The following FOXN3 variants were observed in gnomAD, a reference collection of about 807,000 sequenced individuals.
The protein encoded by FOXN3 is forkhead box N3, also known as forkhead box protein N3.
In FOXN3, 7 loss-of-function variants were observed where a neutral mutation model predicts 38.4. The observed-to-expected ratio is 0.18, with a 90% CI of 0.10 to 0.34. The LOEUF (loss-of-function observed/expected upper bound fraction) is 0.34. Among genes scored for constraint, FOXN3 ranks in the 10% least tolerant of loss-of-function variants. The pLI is 1.00. For missense variants in FOXN3, 456 were observed against 613.4 expected, an observed-to-expected ratio of 0.74 and a Z score of 2.71; for synonymous variants, 230 against 242.2, an observed-to-expected ratio of 0.95 and a Z score of 0.47.
intron 1 of FOXN3, among the ~76,000 whole-genome samples, chr14:89,566,015 A>C (rs1895341436): frequency 6.6e-6 from 1 of 152,248 alleles, no homozygotes; most frequent in Non-Finnish European, 1.5e-5. Context: ...AAATCCTGGC[A>C]GTTAAGCTGT....
At chr14:89,418,208 G>GTTCT (rs910767240), upstream of FOXN3, among the ~76,000 whole-genome samples, 9 of 152,246 alleles carry the variant, frequency 5.9e-5, no homozygotes, top group African/African-American at 1.9e-4. Flanking sequence ...CCTCTACAGA[G>GTTCT]GAGAAGCCCA....
intron 2 of FOXN3, among the ~76,000 whole-genome samples, chr14:89,358,870 G>C (rs1481773623): frequency 1.3e-5 from 2 of 152,168 alleles, no homozygotes; most frequent in African/African-American, 4.8e-5. Context: ...GTGTGGACTT[G>C]GGCAAAATAC....
intron 2 of FOXN3, among the ~76,000 whole-genome samples, chr14:89,409,754 C>T (rs1891492034): frequency 6.6e-6 from 1 of 152,132 alleles, no homozygotes; most frequent in Non-Finnish European, 1.5e-5. Flanking sequence ...TACCACAGAC[C>T]TGGTTCTTTA....
chr14:89,367,757 G>A (rs1046204160), intron 2 of FOXN3, among the ~76,000 whole-genome samples: 5 of 152,178 alleles, frequency 3.3e-5, no homozygotes, highest in Non-Finnish European at 5.9e-5. Flanking sequence ...CAGCAACCAC[G>A]TGGAAAAGGC....
upstream of FOXN3, among the ~76,000 whole-genome samples, chr14:89,418,279 A>G (rs1267481521): frequency 6.6e-6 from 1 of 151,972 alleles, no homozygotes; most frequent in East Asian, 1.9e-4. Context: ...GCGGTCTGAA[A>G]ACTACAGAAA....
At chr14:89,493,208 T>C (rs1473643069) in intron 1 of FOXN3, among the ~76,000 whole-genome samples, 1 of 152,170 alleles carries the variant, frequency 6.6e-6, no homozygotes, top group Non-Finnish European at 1.5e-5. Flanking sequence ...AATAAAACTA[T>C]GAGGTAAATG....
At chr14:89,204,601 GC>G (rs1888328703) in intron 4 of FOXN3, among the ~76,000 whole-genome samples, 1 of 152,064 alleles carries the variant, frequency 6.6e-6, no homozygotes, top group Admixed American at 6.6e-5. Context: ...AAAACAAAGC[GC>G]CAAAAAAGCA....
chr14:89,291,007 T>G (rs1308377904), intron 3 of FOXN3: 11 of 449,140 alleles, frequency 2.4e-5, no homozygotes, highest in African/African-American at 1.6e-4. Context: ...AGGCCCGTGG[T>G]GTGGTGCTCC....
intron 5 of FOXN3, among the ~76,000 whole-genome samples, chr14:89,173,450 A>G (rs891074411): frequency 6.6e-6 from 1 of 152,206 alleles, no homozygotes. Flanking sequence ...CAACAATTTC[A>G]CTCCTAGACA....
chr14:89,220,016 T>C (rs1832709757), intron 4 of FOXN3, among the ~76,000 whole-genome samples: 1 of 152,236 alleles, frequency 6.6e-6, no homozygotes, highest in African/African-American at 2.4e-5. Flanking sequence ...TATAATTCCA[T>C]ACTGATATCA....
chr14:89,252,061 C>G (rs1015105967), intron 4 of FOXN3, among the ~76,000 whole-genome samples: 1 of 152,222 alleles, frequency 6.6e-6, no homozygotes, highest in Non-Finnish European at 1.5e-5. Context: ...CTAGGTGCCA[C>G]TTTTACACTT....
At chr14:89,614,884 C>G (rs564128376) in intron 1 of FOXN3, among the ~76,000 whole-genome samples, 9 of 152,360 alleles carry the variant, frequency 5.9e-5, no homozygotes, top group East Asian at 3.9e-4. Context: ...ACCTCCCTCA[C>G]CAGGCTGCTC....
At chr14:89,315,503 T>C (rs2401819) in intron 3 of FOXN3, among the ~76,000 whole-genome samples, 115,146 of 151,406 alleles carry the variant, frequency 0.76, 43,923 homozygotes, top group Middle Eastern at 0.83. Flanking sequence ...CGTAGGCATG[T>C]CTTTGATTCT....
chr14:89,299,358 G>A (rs769386789), intron 3 of FOXN3, among the ~76,000 whole-genome samples: 3 of 152,244 alleles, frequency 2.0e-5, no homozygotes, highest in Non-Finnish European at 4.4e-5. Flanking sequence ...AGACGTGATT[G>A]TGAGGCCTCA....
chr14:89,408,271 G>A (rs564582216), intron 2 of FOXN3, among the ~76,000 whole-genome samples: 8 of 151,230 alleles, frequency 5.3e-5, no homozygotes, highest in East Asian at 1.9e-4. Flanking sequence ...CCAAGAAAAC[G>A]GGAATTTTTT....
chr14:89,431,371 C>T (rs565018206), intron 1 of FOXN3, among the ~76,000 whole-genome samples: 1 of 152,212 alleles, frequency 6.6e-6, no homozygotes, highest in African/African-American at 2.4e-5. Flanking sequence ...CCACCACACC[C>T]GGCTAATTTT....
chr14:89,262,079 G>T (rs1215419385), intron 4 of FOXN3, among the ~76,000 whole-genome samples: 2 of 152,132 alleles, frequency 1.3e-5, no homozygotes, highest in East Asian at 3.8e-4. Flanking sequence ...CTCCAGCCTG[G>T]GTGACAGAGA....
At chr14:89,233,432 AGGAG>A (rs369655544) in intron 4 of FOXN3, among the ~76,000 whole-genome samples, 27,667 of 152,258 alleles carry the variant, frequency 0.18, 2,555 homozygotes, top group East Asian at 0.32. Context: ...TGAAGAAGCT[AGGAG>A]CTGGAATTTC....
chr14:89,458,030 C>CAA (rs11445763), intron 1 of FOXN3, among the ~76,000 whole-genome samples: 1,959 of 51,236 alleles, frequency 0.038, 75 homozygotes, highest in African/African-American at 0.067. Flanking sequence ...AACTCCATCT[C>CAA]AAAAAAAAAA....
Sources: gnomAD v4.1 joint callset for allele counts (sites outside exome capture counted in the v4.1 genomes callset) on GRCh38, gnomAD v4.1.1 for gene constraint, MANE v1.5 for transcripts, NCBI Gene and HGNC (gene_info 2026-07-23, HGNC 2026-07-21) for gene names.